GRP: variants seen among roughly 807,000 people sequenced by gnomAD.
The protein encoded by GRP is gastrin-releasing peptide.
Under a neutral mutation model 12.7 loss-of-function variants are expected in GRP, and 11 were observed. The observed-to-expected ratio is 0.87, with a 90% CI of 0.55 to 1.44. The LOEUF is 1.44. Among genes scored for constraint, GRP ranks in the 40% most tolerant of loss-of-function variants. The pLI is 0.00. For missense variants in GRP, 212 were observed against 185.4 expected (o/e 1.14, Z -0.83); for synonymous variants, 84 against 77.7 (o/e 1.08, Z -0.43).
At chr18:59,222,188 G>A (rs1321294329) in intron 1 of GRP, among the ~76,000 whole-genome samples, 1 of 152,178 alleles carries the variant, frequency 6.6e-6, no homozygotes, top group African/African-American at 2.4e-5. Context: ...GGTAACGCTT[G>A]CAGGCCCAAA....
intron 2 of GRP, among the ~76,000 whole-genome samples, chr18:59,227,012 T>TCTTTCTTTCTTTCTTTCTTTCTTC (rs2069940317): frequency 7.3e-4 from 95 of 130,380 alleles, no homozygotes; most frequent in Non-Finnish European, 1.1e-3. Flanking sequence ...TTTCTTTCTT[T>TCTTTCTTTCTTTCTTTCTTTCTTC]CTTTCTTTCT....
At chr18:59,228,540 C>A (rs556650164) in intron 2 of GRP, among the ~76,000 whole-genome samples, 61 of 152,276 alleles carry the variant, frequency 4.0e-4, no homozygotes, top group East Asian at 2.1e-3. Flanking sequence ...GTTTTGATGA[C>A]AAAGATATTT....
At chr18:59,223,062 A>G (rs2069860850) in intron 1 of GRP, among the ~76,000 whole-genome samples, 1 of 152,242 alleles carries the variant, frequency 6.6e-6, no homozygotes, top group African/African-American at 2.4e-5. Context: ...ACTACTTCTT[A>G]GTAGTACTCA....
chr18:59,219,480 AGGG>A (rs2069791412), upstream of GRP, among the ~76,000 whole-genome samples: 2 of 67,202 alleles, frequency 3.0e-5, no homozygotes, highest in Non-Finnish European at 5.7e-5. Context: ...AGTGGAGGGG[AGGG>A]GAGGGTATGG....
At position 59,220,328 on chromosome 18, in the gene GRP, G is replaced by A. The variant is rs530053709; in HGVS notation, c.63G>A (p.Gly21=). 3.0e-4 allele frequency: 454 copies of A among 1,496,052 alleles called. 6 individuals carry two copies. In the South Asian group the frequency reaches 5.0e-3, roughly 17 times the overall value. The allele number at this position is 1,496,052 out of a possible 1,614,324, so 92.7% of individuals were successfully genotyped here. A position where few individuals can be genotyped will look rare whatever the true frequency, so the allele number is the denominator to read the frequency against. ...TGGTCCTCTGCCTGGCGCCCCGGGG[G>A]CGAGCGGTCCCGCTGCCTGCGGGCG... ...LALVLCLAPR[G]RAVPLPAGGG... The change falls in exon 1 of 3, where the codon GGG becomes GGA. Residue 21 remains glycine, a synonymous_variant. Coordinates refer to ENST00000256857, the MANE Select transcript of GRP (RefSeq NM_002091.5).
At position 59,220,247 on chromosome 18, in the gene GRP, A is replaced by C; in HGVS notation, c.-19A>C. The C allele has an allele frequency of 6.8e-7, 1 of 1,481,302 alleles. No homozygotes were observed. The highest frequency in any genetic ancestry group is 1.3e-5 in the South Asian group (1 of 78,248). The allele number at this position is 1,481,302 out of a possible 1,614,324, so 91.8% of individuals were successfully genotyped here. A position where few individuals can be genotyped will look rare whatever the true frequency, so the allele number is the denominator to read the frequency against. On this transcript the variant is annotated 5_prime_UTR_variant, in exon 1 of 3. Coordinates refer to ENST00000256857, the MANE Select transcript of GRP (RefSeq NM_002091.5). ...TTCCCAGCCTCTCCGGCGCGCTCCA[A>C]GGGCTTCCCGTCGGGACCATGCGCG...
In GRP at chr18:59,225,631, C is replaced by T. The variant is rs760912262; in HGVS notation, c.279C>T (p.Asn93=). 1.2e-6 allele frequency: 2 copies of T among 1,614,100 alleles called. No individual in the cohort carries two copies. The highest frequency in any genetic ancestry group is 1.1e-5 in the South Asian group (1 of 91,080). ...NLLGLIEAKE[N]RNHQPPQPKA... ...TGGGTCTCATAGAAGCAAAGGAGAA[C>T]AGAAACCACCAGCCACCTCAACCCA... The change falls in exon 2 of 3, where the codon AAC becomes AAT. Residue 93 remains asparagine (N), a synonymous_variant. Coordinates refer to ENST00000256857, the MANE Select transcript of GRP (RefSeq NM_002091.5).
chr18:59,227,503 C>A (rs980143282), intron 2 of GRP, among the ~76,000 whole-genome samples: 1 of 152,126 alleles, frequency 6.6e-6, no homozygotes, highest in African/African-American at 2.4e-5. Flanking sequence ...GGTGCTTTGC[C>A]AGAGTTCCTG....
rs1307329394 is a variant in GRP at position 59,230,455 on chromosome 18, T to C, written c.434T>C (p.Leu145Pro). ...CAACGTGAAGGAAGGAACCCCCAGC[T>C]GAACCAGCAATGATAATGATGGCCT... ...GSQREGRNPQ[L>P]NQQ is the part of the protein sequence containing the mutation. The change falls in exon 3 of 3, where the codon CTG (leucine) becomes CCG (proline). Residue 145 changes from leucine to proline, a missense_variant. Coordinates refer to ENST00000256857, the MANE Select transcript of GRP (RefSeq NM_002091.5). 1.3e-6 allele frequency: 2 copies of C among 1,591,072 alleles called. No individual in the cohort carries two copies. The highest frequency in any genetic ancestry group is 1.7e-6 in the Non-Finnish European group (2 of 1,158,990).
intron 1 of GRP, among the ~76,000 whole-genome samples, chr18:59,220,708 C>T (rs183954892): frequency 3.6e-4 from 55 of 152,276 alleles, no homozygotes; most frequent in Admixed American, 3.3e-3. Flanking sequence ...GTGCAGATCA[C>T]CTTCCCTCTG....
intron 1 of GRP, 100 bp downstream of exon 1, chr18:59,220,504 C>A: frequency 9.3e-7 from 1 of 1,078,436 alleles, no homozygotes; most frequent in Non-Finnish European, 1.2e-6. Flanking sequence ...CCTGGCCCAG[C>A]TTTGGGAGCT....
At chr18:59,222,884 C>T (rs531541343) in intron 1 of GRP, among the ~76,000 whole-genome samples, 17 of 152,332 alleles carry the variant, frequency 1.1e-4, no homozygotes, top group African/African-American at 4.1e-4. Context: ...AACACTTATA[C>T]TGGCTACTAT....
At position 59,230,508 on chromosome 18, in the gene GRP, A is replaced by G. The variant is rs767883513; in HGVS notation, c.*40A>G. ...CTCAAAAGAGAAAAACAAAACCCCT[A>G]AGAGACTGCGTTCTGCAAGCATCAG... On this transcript the variant is annotated 3_prime_UTR_variant, in exon 3 of 3. Coordinates refer to ENST00000256857, the MANE Select transcript of GRP (RefSeq NM_002091.5). The G allele has an allele frequency of 6.6e-6, 7 of 1,062,974 alleles. No homozygotes were observed. The highest frequency in any genetic ancestry group is 4.6e-5 in the African/African-American group (3 of 64,566). 65.8% of individuals were successfully genotyped at this position (1,062,974 alleles called of 1,614,324 possible).
chr18:59,229,396 T>C (rs2069994918), intron 2 of GRP, among the ~76,000 whole-genome samples: 1 of 152,216 alleles, frequency 6.6e-6, no homozygotes, highest in Non-Finnish European at 1.5e-5. Flanking sequence ...TGGCCCCTTT[T>C]ATGACCAATG....
At chr18:59,223,844 G>T (rs573742362) in intron 1 of GRP, among the ~76,000 whole-genome samples, 1 of 152,182 alleles carries the variant, frequency 6.6e-6, no homozygotes, top group Non-Finnish European at 1.5e-5. Context: ...AAGCTGATAC[G>T]TGAGGAGCCA....
chr18:59,225,364 A>C (rs1396450126), intron 1 of GRP, 128 bp from the exon 2 acceptor site: 1 of 903,364 alleles, frequency 1.1e-6, no homozygotes, highest in Non-Finnish European at 1.7e-6. Flanking sequence ...TTAATAAAAC[A>C]TGATTTATTC....
intron 2 of GRP, among the ~76,000 whole-genome samples, chr18:59,229,444 G>C (rs1336291636): frequency 1.3e-5 from 2 of 152,324 alleles, no homozygotes; most frequent in Admixed American, 1.3e-4. Context: ...TCTTCGGACA[G>C]GCAGCAGGCT....
chr18:59,225,122 G>A (rs1424057244), intron 1 of GRP, among the ~76,000 whole-genome samples: 1 of 152,180 alleles, frequency 6.6e-6, no homozygotes, highest in Admixed American at 6.5e-5. Flanking sequence ...ATTGATGATA[G>A]AATTTTAGAT....
chr18:59,224,609 G>A (rs2069886030), intron 1 of GRP, among the ~76,000 whole-genome samples: 1 of 152,174 alleles, frequency 6.6e-6, no homozygotes, highest in African/African-American at 2.4e-5. Context: ...GAATATTCAA[G>A]CAAGGGTCTA....
Sources: allele counts gnomAD v4.1 joint callset (sites outside exome capture counted in the v4.1 genomes callset), GRCh38; gene constraint gnomAD v4.1.1; transcripts MANE v1.5; gene names NCBI Gene and HGNC (gene_info 2026-07-23, HGNC 2026-07-21).